MUC22: variants seen among roughly 807,000 people sequenced by gnomAD.
MUC22 encodes mucin 22.
Under a neutral mutation model 40.3 loss-of-function variants are expected in MUC22, and 24 were observed. The ratio of observed to expected loss-of-function variants is 0.60; its 90% CI spans 0.43 to 0.84. The LOEUF is 0.84. Ranked by LOEUF, MUC22 falls within the 40% of genes least tolerant of loss-of-function variation. MUC22 has a pLI of 0.00. For synonymous variants in MUC22, 765 were observed against 844.5 expected (o/e 0.91, Z 1.63); for missense variants, 1,926 against 2,130.7 (o/e 0.90, Z 1.89).
Position 31,011,406 on chromosome 6 carries a change from T to C in MUC22, c.70+630T>C, listed in dbSNP as rs1287493230. Reference sequence around the variant, plus strand: ...GTATCATTCTCATGCGTTTGAGTCCTCACAGCTTAGCTCCCACCTATCAGT... The same window carrying C: ...GTATCATTCTCATGCGTTTGAGTCCCCACAGCTTAGCTCCCACCTATCAGT... On this transcript the variant is annotated intron_variant, in intron 1 of 3. Coordinates refer to ENST00000561890, the Ensembl canonical transcript of MUC22. This position sits in a 1 kb window ranked among gnomAD's most constrained non-coding sequence, Gnocchi z 4.5. Among the ~76,000 whole-genome samples, 4 of 152,268 alleles carry C rather than the reference T, an allele frequency of 2.6e-5. No individual in the cohort carries two copies. The East Asian group carries it at 7.7e-4, about 29-fold the overall frequency.
exon 2 of MUC22, chr6:31,029,349 C>T: frequency 6.5e-7 from 1 of 1,534,940 alleles, no homozygotes; most frequent in South Asian, 1.2e-5. Context: ...CTGAGACTAC[C>T]ACCACCTCTA....
intron 2 of MUC22, among the ~76,000 whole-genome samples, chr6:31,031,988 A>G (rs1027051657): frequency 3.3e-5 from 5 of 151,122 alleles, no homozygotes; most frequent in African/African-American, 1.2e-4. Context: ...GACACATTCT[A>G]CCTCCTTCTC....
At chr6:31,030,130 A>G in intron 2 of MUC22, 30 bp downstream of exon 2, 1 of 1,481,278 alleles carries the variant, frequency 6.8e-7, no homozygotes, top group Non-Finnish European at 8.9e-7. Flanking sequence ...CTTTGAGCCC[A>G]CACATTTTAA....
At chr6:31,010,546 C>T (rs1472856082) in exon 1 of MUC22, 2 of 594,970 alleles carry the variant, frequency 3.4e-6, no homozygotes, top group East Asian at 2.8e-5. Context: ...CATCTGCCTA[C>T]AAGGCTTACC....
chr6:31,028,335 T>G, exon 2 of MUC22: 2 of 1,532,130 alleles, frequency 1.3e-6, no homozygotes, highest in Non-Finnish European at 1.7e-6. Context: ...CCACCACTTC[T>G]ACTGAAGGCT....
intron 1 of MUC22, among the ~76,000 whole-genome samples, chr6:31,022,096 A>G (rs1764845708): frequency 6.6e-6 from 1 of 152,092 alleles, no homozygotes; most frequent in Non-Finnish European, 1.5e-5. Flanking sequence ...CGAGAGCACA[A>G]ACCCACCAGA....
chr6:31,026,986 T>C, exon 2 of MUC22: 1 of 1,492,756 alleles, frequency 6.7e-7, no homozygotes. Context: ...CAACACAGCA[T>C]TTACTGAAGA....
intron 1 of MUC22, among the ~76,000 whole-genome samples, chr6:31,022,219 G>A (rs187306411): frequency 6.6e-6 from 1 of 152,294 alleles, no homozygotes; most frequent in Non-Finnish European, 1.5e-5. Context: ...TGAAGTCAGT[G>A]AGACCAAGAA....
chr6:31,021,148 C>T (rs138708628), intron 1 of MUC22, among the ~76,000 whole-genome samples: 18,391 of 152,304 alleles, frequency 0.12, 1,305 homozygotes, highest in African/African-American at 0.17. Flanking sequence ...CCTGCGGCCC[C>T]GGGGCGGGAT....
At chr6:31,020,441 C>CTATTTTTTTTTTTTTT (rs1764590148) in intron 1 of MUC22, among the ~76,000 whole-genome samples, 1 of 126,712 alleles carries the variant, frequency 7.9e-6, no homozygotes, top group Non-Finnish European at 1.6e-5. Context: ...TGGAAATTGA[C>CTATTTTTTTTTTTTTT]TTTTTTTTTT....
Position 31,034,658 on chromosome 6 carries a change from T to C in MUC22, c.5056-14T>C. ...TAATTTTCATTTATCAATGTATTTA[T>C]TTTTTTCTTTTAGAGAAACCTTTTC... On this transcript the variant is annotated splice_polypyrimidine_tract_variant and intron_variant, in intron 3 of 3. Transcript: ENST00000561890. 1.3e-6 allele frequency: 2 copies of C among 1,520,462 alleles called. No individual in the cohort carries two copies. The highest frequency in any genetic ancestry group is 2.4e-5 in the South Asian group (2 of 82,626). 94.2% of individuals were successfully genotyped at this position (1,520,462 alleles called of 1,614,324 possible).
exon 2 of MUC22, chr6:31,027,310 A>G: frequency 6.5e-7 from 1 of 1,532,954 alleles, no homozygotes; most frequent in Non-Finnish European, 8.7e-7. Context: ...TGAGACCACC[A>G]CAGCCTCTAC....
chr6:31,016,003 T>C (rs1337825721), intron 1 of MUC22, among the ~76,000 whole-genome samples: 1 of 151,558 alleles, frequency 6.6e-6, no homozygotes, highest in East Asian at 2.0e-4. Flanking sequence ...ACTCTGTCGT[T>C]TTATTTTTCT....
At position 31,030,117 on chromosome 6, in the gene MUC22, C is replaced by T. The variant is rs983896265; in HGVS notation, c.4669+17C>T. 2 of 1,493,874 alleles carry T rather than the reference C, an allele frequency of 1.3e-6. No homozygotes were observed. Among genetic ancestry groups the T allele is most frequent in the African/African-American group, 2.8e-5 (2 of 71,824 alleles). 92.5% of individuals were successfully genotyped at this position (1,493,874 alleles called of 1,614,324 possible). On this transcript the variant is annotated intron_variant, in intron 2 of 3. Transcript: ENST00000561890. ...CTATGTCAGGTACTAACCCCCATGT[C>T]TTCTTTGAGCCCACACATTTTAACT...
chr6:31,031,550 G>C (rs1766066335), intron 2 of MUC22, among the ~76,000 whole-genome samples: 1 of 152,162 alleles, frequency 6.6e-6, no homozygotes, highest in Non-Finnish European at 1.5e-5. Flanking sequence ...TTGGGATGCA[G>C]GTGGTATTTG....
At chr6:31,021,788 GGGGCCAGATAAGAGAATAAAAGCAGGCT>G (rs1309168909) in intron 1 of MUC22, among the ~76,000 whole-genome samples, 1 of 152,176 alleles carries the variant, frequency 6.6e-6, no homozygotes, top group East Asian at 1.9e-4. Context: ...GGATGTGGGT[GGGGCCAGATAAGAGAATAAAAGCAGGCT>G]GCCCGAGCCA....
chr6:31,020,839 C>G (rs1052362202), intron 1 of MUC22, among the ~76,000 whole-genome samples: 3 of 152,214 alleles, frequency 2.0e-5, no homozygotes, highest in Admixed American at 6.5e-5. Flanking sequence ...CTGCAGGCCC[C>G]GGGCAGTGAG....
intron 1 of MUC22, among the ~76,000 whole-genome samples, chr6:31,019,619 T>A (rs1429839467): frequency 1.3e-5 from 2 of 152,144 alleles, no homozygotes; most frequent in Non-Finnish European, 2.9e-5. Context: ...TTTGGGAGGC[T>A]GAGGTGGGCA....
At chr6:31,021,833 G>A (rs562725288) in intron 1 of MUC22, among the ~76,000 whole-genome samples, 2 of 152,136 alleles carry the variant, frequency 1.3e-5, no homozygotes, top group Non-Finnish European at 2.9e-5. Flanking sequence ...GCCAGCAGTG[G>A]CAACCTGCTT....
Sources: gnomAD v4.1 joint callset for allele counts (sites outside exome capture counted in the v4.1 genomes callset) on GRCh38, gnomAD v4.1.1 for gene constraint, Gnocchi (gnomAD v3.1) non-coding constraint, MANE v1.5 for transcripts, NCBI Gene and HGNC (gene_info 2026-07-23, HGNC 2026-07-21) for gene names.